The following HOMER1 variants were observed in gnomAD, a reference collection of about 807,000 sequenced individuals.
HOMER1 encodes the protein homer scaffold protein 1, also known as homer protein homolog 1.
Under a neutral mutation model 48.9 loss-of-function variants are expected in HOMER1, and 3 were observed. The ratio of observed to expected loss-of-function variants is 0.06; its 90% CI spans 0.03 to 0.16. HOMER1 has a LOEUF of 0.16. HOMER1 is among the 10% of genes least tolerant of loss of function. HOMER1 has a pLI of 1.00. For missense variants in HOMER1, 247 were observed against 411.4 expected, an observed-to-expected ratio of 0.60 and a Z score of 3.46; for synonymous variants, 134 against 146.4, an observed-to-expected ratio of 0.92 and a Z score of 0.61.
At chr5:79,387,099 CTT>C (rs1491246611) in intron 8 of HOMER1, among the ~76,000 whole-genome samples, 1 of 144,146 alleles carries the variant, frequency 6.9e-6, no homozygotes, top group African/African-American at 2.7e-5. Context: ...CTCTCTCTCT[CTT>C]TCTTTCACAA....
intron 3 of HOMER1, among the ~76,000 whole-genome samples, chr5:79,449,098 G>A (rs1009983754): frequency 7.9e-5 from 12 of 152,050 alleles, no homozygotes; most frequent in Non-Finnish European, 1.3e-4. Context: ...AAGATGTAAC[G>A]AAGAACTTAA....
intron 8 of HOMER1, among the ~76,000 whole-genome samples, chr5:79,396,289 A>G (rs1749380865): frequency 1.4e-5 from 2 of 144,396 alleles, no homozygotes; most frequent in African/African-American, 5.5e-5. Context: ...ACATTAGTAC[A>G]TTGTAAAATA....
At chr5:79,480,388 G>A (rs1411914242) in intron 1 of HOMER1, among the ~76,000 whole-genome samples, 1 of 152,178 alleles carries the variant, frequency 6.6e-6, no homozygotes. Context: ...GGAGGGGGCA[G>A]TTTAAGTAAC....
At chr5:79,398,192 G>A (rs1217277662) in intron 6 of HOMER1, among the ~76,000 whole-genome samples, 1 of 151,768 alleles carries the variant, frequency 6.6e-6, no homozygotes, top group Non-Finnish European at 1.5e-5. Flanking sequence ...GGGGCCCAAA[G>A]AGTAATATAA....
intron 8 of HOMER1, among the ~76,000 whole-genome samples, chr5:79,385,990 G>A (rs77019768): frequency 0.012 from 1,778 of 151,596 alleles, 15 homozygotes; most frequent in Middle Eastern, 0.017. Context: ...AGGATATAGC[G>A]AAAAGGGCAC....
chr5:79,429,755 G>A (rs369725601), intron 5 of HOMER1, among the ~76,000 whole-genome samples: 3 of 152,212 alleles, frequency 2.0e-5, no homozygotes, highest in East Asian at 3.9e-4. Context: ...TGGGCGTGGT[G>A]GCTCACGCCT....
chr5:79,376,938 A>T (rs941312094), intron 8 of HOMER1, among the ~76,000 whole-genome samples: 2 of 152,164 alleles, frequency 1.3e-5, no homozygotes, highest in African/African-American at 2.4e-5. Flanking sequence ...AAAATTATTT[A>T]GCAGTTATTA....
chr5:79,380,725 G>A (rs182378380), intron 8 of HOMER1, among the ~76,000 whole-genome samples: 3 of 152,068 alleles, frequency 2.0e-5, no homozygotes, highest in African/African-American at 7.2e-5. Context: ...TCGGGGGGTA[G>A]GGGGAGTGAA....
chr5:79,499,445 TTACAA>T (rs1174105435), intron 1 of HOMER1, among the ~76,000 whole-genome samples: 1 of 152,212 alleles, frequency 6.6e-6, no homozygotes, highest in Non-Finnish European at 1.5e-5. Context: ...ACCAGTATAC[TTACAA>T]TAATGTTTTA....
At chr5:79,443,323 T>C (rs1750789941) in intron 4 of HOMER1, among the ~76,000 whole-genome samples, 1 of 152,130 alleles carries the variant, frequency 6.6e-6, no homozygotes, top group African/African-American at 2.4e-5. Context: ...CAATATAATA[T>C]AATATCTAAC....
chr5:79,413,758 T>C (rs982402266), intron 5 of HOMER1, among the ~76,000 whole-genome samples: 1 of 152,070 alleles, frequency 6.6e-6, no homozygotes, highest in East Asian at 1.9e-4. Context: ...TATCAGCCTG[T>C]TGGCCCTAAG....
chr5:79,376,159 C>G lies in HOMER1; in HGVS notation c.915G>C (p.Leu305=), dbSNP rs1401005501. 16 of 1,613,674 alleles carry G rather than the reference C, an allele frequency of 9.9e-6. No individual in the cohort carries two copies. Among genetic ancestry groups the G allele is most frequent in the Admixed American group, 1.7e-5 (1 of 59,992 alleles). The change falls in exon 9 of 9, where the codon CTG becomes CTC. Residue 305 remains leucine, a synonymous_variant. Transcript: ENST00000334082. ...EIRNKDLEGQ[L]SDLEQRLEKS... ...TCTCCAGACGTTGCTCTAAGTCAGA[C>G]AGTTGTCCCTCCAGGTCTTTGTTCC...
At chr5:79,386,942 CTTCCT>C (rs143722635) in intron 8 of HOMER1, among the ~76,000 whole-genome samples, 32,724 of 133,958 alleles carry the variant, frequency 0.24, 4,292 homozygotes, top group African/African-American at 0.3. Flanking sequence ...CCCTTCCTTC[CTTCCT>C]TTCCTTTCTT....
chr5:79,448,198 T>C (rs1466199045), intron 3 of HOMER1, among the ~76,000 whole-genome samples: 1 of 152,162 alleles, frequency 6.6e-6, no homozygotes, highest in Non-Finnish European at 1.5e-5. Flanking sequence ...ACTTCTCCAA[T>C]TGAACAGAGT....
intron 1 of HOMER1, among the ~76,000 whole-genome samples, chr5:79,500,269 G>A (rs910572028): frequency 3.9e-5 from 6 of 152,014 alleles, no homozygotes; most frequent in South Asian, 2.1e-4. Flanking sequence ...AATATGAATC[G>A]AGAAAAAGCA....
intron 8 of HOMER1, among the ~76,000 whole-genome samples, chr5:79,379,443 A>ATTTATATAATATATAATATATAT: frequency 8.8e-6 from 1 of 113,254 alleles, no homozygotes; most frequent in Non-Finnish European, 1.7e-5. Flanking sequence ...TTTATTATAT[A>ATTTATATAATATATAATATATAT]TTTATATAAT....
chr5:79,452,588 A>C (rs567878626), intron 2 of HOMER1, among the ~76,000 whole-genome samples: 36 of 152,290 alleles, frequency 2.4e-4, no homozygotes, highest in African/African-American at 8.4e-4. Flanking sequence ...ACAAAACTAA[A>C]TTTGTTTACC....
intron 1 of HOMER1, among the ~76,000 whole-genome samples, chr5:79,484,778 GC>G (rs1377987782): frequency 6.6e-6 from 1 of 152,164 alleles, no homozygotes; most frequent in Non-Finnish European, 1.5e-5. Flanking sequence ...GAAGGCAGGG[GC>G]CATGTGCATT....
chr5:79,468,717 C>T (rs1488884316), intron 1 of HOMER1, among the ~76,000 whole-genome samples: 1 of 152,204 alleles, frequency 6.6e-6, no homozygotes, highest in African/African-American at 2.4e-5. Context: ...ACAAGAGATA[C>T]ACTAGAAGCA....
Sources: gnomAD v4.1 joint callset for allele counts (sites outside exome capture counted in the v4.1 genomes callset) on GRCh38, gnomAD v4.1.1 for gene constraint, MANE v1.5 for transcripts, NCBI Gene and HGNC (gene_info 2026-07-23, HGNC 2026-07-21) for gene names.